KPNA5: variants seen among roughly 807,000 people sequenced by gnomAD.
The protein encoded by KPNA5 is importin subunit alpha-6.
In KPNA5, 46 loss-of-function variants were observed where a neutral mutation model predicts 71.3. The ratio of observed to expected loss-of-function variants is 0.65; its 90% CI spans 0.51 to 0.83. The LOEUF is 0.83. Among genes scored for constraint, KPNA5 ranks in the 40% least tolerant of loss-of-function variants. The pLI is 0.00. For missense variants in KPNA5, 547 were observed against 628.3 expected, an observed-to-expected ratio of 0.87 and a Z score of 1.38; for synonymous variants, 207 against 201.4, an observed-to-expected ratio of 1.03 and a Z score of -0.24.
At chr6:116,690,260 A>G (rs887941766) in intron 2 of KPNA5, among the ~76,000 whole-genome samples, 8 of 152,218 alleles carry the variant, frequency 5.3e-5, no homozygotes, top group Non-Finnish European at 1.2e-4. Flanking sequence ...ATGATTTCTC[A>G]TCTCCCTATC....
chr6:116,710,904 T>A (rs1175984390), intron 7 of KPNA5, among the ~76,000 whole-genome samples: 17,497 of 108,220 alleles, frequency 0.16, 2,392 homozygotes, highest in African/African-American at 0.31. Context: ...TTTTTTTTTT[T>A]TTTTTTTTGA....
rs976208169 is a variant in KPNA5 at position 116,732,902 on chromosome 6, A to C, written c.*579A>C. The C allele has an allele frequency of 6.6e-5, 10 of 151,986 alleles. No homozygotes were observed. Among genetic ancestry groups the C allele is most frequent in the Admixed American group, 6.6e-4 (10 of 15,222 alleles). The allele number at this position is 151,986 out of a possible 1,614,324, so 9.4% of individuals were successfully genotyped here. ...TGCAAAAAATTGCAACAGAAAACCTATAAAATTTATTTATAAAACAGAAGA... is the reference window on the plus strand; with the variant it reads ...TGCAAAAAATTGCAACAGAAAACCTCTAAAATTTATTTATAAAACAGAAGA... On this transcript the variant is annotated 3_prime_UTR_variant, in exon 14 of 14. Transcript: ENST00000368564.
chr6:116,698,509 C>T (rs1778111318), intron 4 of KPNA5, among the ~76,000 whole-genome samples, 195 bp from the exon 5 acceptor site: 1 of 151,874 alleles, frequency 6.6e-6, no homozygotes, highest in South Asian at 2.1e-4. Context: ...AATGAGAAAG[C>T]GGAATTTGCA....
rs184631423 is a variant in KPNA5, at chr6:116,716,165, A to G, written c.657-54A>G. Reference sequence around the variant, plus strand: ...AGAGAAATTTTGTATTATGATAGCTAAAGAGGAAAAATGAATGTAAGGTGA... The same window carrying G: ...AGAGAAATTTTGTATTATGATAGCTGAAGAGGAAAAATGAATGTAAGGTGA... On this transcript the variant is annotated intron_variant, in intron 7 of 13. Coordinates refer to ENST00000368564, the MANE Select transcript of KPNA5 (RefSeq NM_001366306.2). 119 of 1,345,908 alleles carry G rather than the reference A, an allele frequency of 8.8e-5. No individual in the cohort carries two copies. In the African/African-American group the frequency reaches 1.6e-3, roughly 18 times the overall value. 83.4% of individuals were successfully genotyped at this position (1,345,908 alleles called of 1,614,324 possible). A position where few individuals can be genotyped will look rare whatever the true frequency, so the allele number is the denominator to read the frequency against.
At chr6:116,725,959 G>C (rs1779272505) in intron 11 of KPNA5, 83 bp downstream of exon 11, 1 of 1,462,502 alleles carries the variant, frequency 6.8e-7, no homozygotes, top group East Asian at 2.3e-5. Flanking sequence ...TACTAAAAAA[G>C]ATTCCTTTTT....
chr6:116,698,879 T>C, intron 5 of KPNA5, 81 bp downstream of exon 5: 1 of 724,100 alleles, frequency 1.4e-6, no homozygotes, highest in Non-Finnish European at 2.2e-6. Context: ...TCTGCAGTAT[T>C]GACTATTGTA....
chr6:116,720,705 A>T (rs1453033916), intron 8 of KPNA5, among the ~76,000 whole-genome samples: 1 of 152,096 alleles, frequency 6.6e-6, no homozygotes, highest in East Asian at 1.9e-4. Flanking sequence ...TTAGCTGGGC[A>T]TGGTGGCTCA....
At chr6:116,717,893 C>A (rs959143863) in intron 8 of KPNA5, among the ~76,000 whole-genome samples, 3 of 151,752 alleles carry the variant, frequency 2.0e-5, no homozygotes, top group Admixed American at 6.6e-5. Context: ...GTGCCCCCCC[C>A]ACCGCCAGAA....
At chr6:116,725,903 G>C in intron 11 of KPNA5, 27 bp downstream of exon 11, 1 of 1,599,298 alleles carries the variant, frequency 6.3e-7, no homozygotes, top group Admixed American at 1.8e-5. Context: ...TCTGAGAGTA[G>C]AACAGCAAGG....
At chr6:116,714,551 C>T (rs1778814930) in intron 7 of KPNA5, among the ~76,000 whole-genome samples, 1 of 152,150 alleles carries the variant, frequency 6.6e-6, no homozygotes, top group African/African-American at 2.4e-5. Context: ...GGACTCTGCC[C>T]TGGACATGTG....
chr6:116,693,081 C>T (rs928289889), intron 4 of KPNA5, among the ~76,000 whole-genome samples: 2 of 152,200 alleles, frequency 1.3e-5, no homozygotes, highest in African/African-American at 4.8e-5. Flanking sequence ...TTTTTTATGG[C>T]TGCATAGTGT....
intron 8 of KPNA5, among the ~76,000 whole-genome samples, chr6:116,720,407 T>C (rs935418720): frequency 6.6e-6 from 1 of 151,546 alleles, no homozygotes; most frequent in Non-Finnish European, 1.5e-5. Flanking sequence ...TGTTTCTTTT[T>C]TTTTTTCCTG....
intron 1 of KPNA5, among the ~76,000 whole-genome samples, chr6:116,687,106 T>C (rs1337614245): frequency 6.6e-6 from 1 of 152,238 alleles, no homozygotes; most frequent in East Asian, 1.9e-4. Context: ...GTTGAATCTG[T>C]AAATTGCTTT....
chr6:116,705,520 A>G (rs945328020), intron 7 of KPNA5, among the ~76,000 whole-genome samples: 1 of 152,292 alleles, frequency 6.6e-6, no homozygotes, highest in South Asian at 2.1e-4. Flanking sequence ...GTATGTTTTA[A>G]ATTTTATTAA....
chr6:116,693,371 A>G (rs1583407364), intron 4 of KPNA5, among the ~76,000 whole-genome samples: 1 of 152,098 alleles, frequency 6.6e-6, no homozygotes, highest in Admixed American at 6.6e-5. Context: ...AAGTGTTCCT[A>G]TTTCTCCACA....
At chr6:116,703,754 G>GT (rs1366586823) in intron 6 of KPNA5, among the ~76,000 whole-genome samples, 4 of 152,062 alleles carry the variant, frequency 2.6e-5, no homozygotes, top group African/African-American at 9.7e-5. Flanking sequence ...ACTAACTTAT[G>GT]TTTTAAACAT....
chr6:116,683,058 G>C lies in KPNA5; in HGVS notation c.4+1720G>C, dbSNP rs1777421301. ...TATGCTGAACAGTTACAATGTGGTT[G>C]CTTGGATTAATGGTCTCATAAGTAG... On this transcript the variant is annotated intron_variant, in intron 1 of 13. Transcript: ENST00000368564. 2.0e-5 allele frequency among the ~76,000 whole-genome samples: 3 copies of C among 152,216 alleles called. No individual in the cohort carries two copies. In the South Asian group the frequency reaches 6.2e-4, roughly 32 times the overall value.
intron 7 of KPNA5, among the ~76,000 whole-genome samples, chr6:116,709,696 C>G (rs556289273): frequency 2.8e-4 from 43 of 152,110 alleles, no homozygotes; most frequent in African/African-American, 1.0e-3. Context: ...CTAACTCTTT[C>G]ACCATTCAGT....
chr6:116,702,971 G>A (rs1369554711), intron 6 of KPNA5, among the ~76,000 whole-genome samples: 2 of 151,830 alleles, frequency 1.3e-5, no homozygotes, highest in Non-Finnish European at 2.9e-5. Flanking sequence ...CTGTTGTTCT[G>A]TCTCCCATTT....
Sources: gnomAD v4.1 joint callset for allele counts (sites outside exome capture counted in the v4.1 genomes callset) on GRCh38, gnomAD v4.1.1 for gene constraint, MANE v1.5 for transcripts, NCBI Gene and HGNC (gene_info 2026-07-23, HGNC 2026-07-21) for gene names.